Variants in DENND1A observed in about 807,000 individuals in gnomAD.
DENND1A encodes the protein DENN domain containing 1A.
Under a neutral mutation model 113.7 loss-of-function variants are expected in DENND1A, and 51 were observed. That is an observed-to-expected ratio of 0.45 (90% CI 0.36 to 0.57). The LOEUF (loss-of-function observed/expected upper bound fraction) is 0.57, where lower values mean the gene tolerates loss of function less well. Among genes scored for constraint, DENND1A ranks in the 20% least tolerant of loss-of-function variants. The pLI, the probability that DENND1A is intolerant of heterozygous loss-of-function variation, is 0.00. For missense variants in DENND1A, 1,258 were observed against 1,395.9 expected (o/e 0.90, Z 1.57); for synonymous variants, 565 against 570.8 (o/e 0.99, Z 0.14).
At chr9:123,870,766 T>C (rs1846464788) in intron 2 of DENND1A, among the ~76,000 whole-genome samples, 1 of 152,042 alleles carries the variant, frequency 6.6e-6, no homozygotes, top group East Asian at 1.9e-4. Flanking sequence ...TTCTACGACT[T>C]TGTGGTTGTC....
intron 13 of DENND1A, among the ~76,000 whole-genome samples, chr9:123,512,398 C>T (rs985909451): frequency 2.0e-5 from 3 of 152,236 alleles, no homozygotes; most frequent in African/African-American, 7.2e-5. Context: ...GGCTGGCACT[C>T]GGCTCACTTC....
In DENND1A at chr9:123,652,109, T is replaced by C. The variant is rs760353142; in HGVS notation, c.522A>G (p.Glu174=). The C allele has an allele frequency of 6.2e-7, 1 of 1,614,162 alleles. No individual in the cohort carries two copies. The highest frequency in any genetic ancestry group is 8.5e-7 in the Non-Finnish European group (1 of 1,180,010). Residue 174 remains glutamate (E), a synonymous_variant, in exon 9 of 24, where the codon GAA becomes GAG. Transcript: ENST00000394215. The stretch of plus-strand genomic sequence containing the variant: ...TGTTAACATCCACAGCCACAAAATA[T>C]TCTGTCAGATTTCTCTAGGAGAAAG... The part of the protein sequence containing the change: ...PSIPENRNLT[E]YFVAVDVNNM...
At chr9:123,391,590 G>A (rs1161041093) in intron 21 of DENND1A, among the ~76,000 whole-genome samples, 1 of 152,050 alleles carries the variant, frequency 6.6e-6, no homozygotes, top group Non-Finnish European at 1.5e-5. Context: ...ATAAGAGATA[G>A]GGTGTTTCCT....
In DENND1A at chr9:123,387,832, G is replaced by A. The variant is rs552218334; in HGVS notation, c.1658C>T (p.Ala553Val). The change falls in exon 22 of 24, where the codon GCG (alanine) becomes GTG (valine). Residue 553 changes from alanine to valine, a missense_variant. Transcript: ENST00000394215. ...EHLVKPLRHY[A>V]VFLSEDSSDD... ...AGAGGAGTCTTCGGAGAGGAAGACC[G>A]CATAGTGTCGCAAGGGCTTTACCAG... 7.0e-6 allele frequency: 9 copies of A among 1,289,922 alleles called. No homozygotes were observed. The highest frequency in any genetic ancestry group is 5.5e-5 in the East Asian group (1 of 18,042). The allele number at this position is 1,289,922 out of a possible 1,614,324, so 79.9% of individuals were successfully genotyped here.
intron 2 of DENND1A, among the ~76,000 whole-genome samples, chr9:123,805,744 T>G (rs568946390): frequency 1.3e-5 from 2 of 152,212 alleles, no homozygotes; most frequent in Admixed American, 6.5e-5. Flanking sequence ...ATATATTATT[T>G]TAATAATTTT....
chr9:123,620,232 A>AAAAAG (rs1554916733), intron 10 of DENND1A, among the ~76,000 whole-genome samples: 27 of 114,414 alleles, frequency 2.4e-4, no homozygotes, highest in Non-Finnish European at 3.3e-4. Context: ...AAAAAAAAAA[A>AAAAAG]AAAAAAGAAA....
intron 4 of DENND1A, among the ~76,000 whole-genome samples, chr9:123,768,503 T>A (rs1184800775): frequency 1.3e-5 from 2 of 152,200 alleles, no homozygotes; most frequent in Non-Finnish European, 2.9e-5. Context: ...AGAATCTTCC[T>A]GAAGATAAGC....
Position 123,381,437 on chromosome 9 carries a change from C to G in DENND1A, c.3208G>C (p.Glu1070Gln). 14 of 1,613,018 alleles carry G rather than the reference C, an allele frequency of 8.7e-6. No individual in the cohort carries two copies. Among genetic ancestry groups the G allele is most frequent in the Non-Finnish European group, 1.2e-5 (14 of 1,179,906 alleles). The change falls in exon 24 of 24, where the codon GAG becomes CAG. Residue 1070 changes from glutamate (E) to glutamine (Q), a missense_variant. Glu to Gln is a conservative substitution (Grantham distance 29, BLOSUM62 2). Coordinates refer to ENST00000394215, the MANE Select transcript of DENND1A (RefSeq NM_001352964.2). This position sits in a 1 kb window ranked among gnomAD's most constrained non-coding sequence, Gnocchi z 4.7. ...CCCCACCCTCAGGGCCCGGCTCACT[C>G]GAAGGTCTCCCACTGCTTCCTGAGC... ...EQLRKQWETF[E>Q]
intron 2 of DENND1A, among the ~76,000 whole-genome samples, chr9:123,844,226 A>T (rs1301201158): frequency 1.3e-5 from 2 of 152,284 alleles, no homozygotes; most frequent in East Asian, 3.9e-4. Context: ...CAGGGTAATT[A>T]GGTATGAAAA....
Position 123,383,922 on chromosome 9 carries a change from G to T in DENND1A, c.1761-9C>A, listed in dbSNP as rs1462800111. The T allele has an allele frequency of 2.5e-6, 4 of 1,602,778 alleles. No individual in the cohort carries two copies. The Admixed American group carries it at 6.7e-5, about 27-fold the overall frequency. ...TCCGATACGGCTGCGGCCTGTCGGG[G>T]ACAGAGCAGGCTGCACTCTCCCACC... On this transcript the variant is annotated splice_polypyrimidine_tract_variant and intron_variant, in intron 22 of 23. Coordinates refer to ENST00000394215, the MANE Select transcript of DENND1A (RefSeq NM_001352964.2).
chr9:123,704,381 T>A (rs1358664116), intron 5 of DENND1A, among the ~76,000 whole-genome samples: 3 of 152,212 alleles, frequency 2.0e-5, no homozygotes, highest in Admixed American at 6.5e-5. Context: ...TTAAATTCTA[T>A]CAGCAGAAAA....
chr9:123,547,982 C>G (rs2056811316), intron 13 of DENND1A, among the ~76,000 whole-genome samples: 1 of 152,186 alleles, frequency 6.6e-6, no homozygotes, highest in Non-Finnish European at 1.5e-5. Flanking sequence ...GTCCTGCTAG[C>G]TAGGCATTAT....
intron 10 of DENND1A, among the ~76,000 whole-genome samples, chr9:123,628,282 G>C (rs1348599018): frequency 6.6e-6 from 1 of 151,828 alleles, no homozygotes; most frequent in East Asian, 2.0e-4. Context: ...TCAACAAACA[G>C]GTGATGAAGA....
chr9:123,483,313 G>C (rs1239144594), intron 13 of DENND1A, among the ~76,000 whole-genome samples: 1 of 152,224 alleles, frequency 6.6e-6, no homozygotes, highest in African/African-American at 2.4e-5. Flanking sequence ...CCAAGAGCAG[G>C]GGCTGGCATG....
At chr9:123,465,289 G>A (rs1247016244) in intron 13 of DENND1A, among the ~76,000 whole-genome samples, 1 of 149,124 alleles carries the variant, frequency 6.7e-6, no homozygotes, top group Admixed American at 6.7e-5. Context: ...GCACACCAGA[G>A]GGCTGGTTTT....
rs561878768 is a variant in DENND1A at position 123,820,267 on chromosome 9, A to C, written c.89-27637T>G. On this transcript the variant is annotated intron_variant, in intron 2 of 23. Transcript: ENST00000394215. ...TGGAGTCTGTTTCCAGGATCCTTCA[A>C]GGGGGCTGACTTCGTGACTTGCTTT... is the stretch of plus-strand genomic sequence containing the variant. Among the ~76,000 whole-genome samples the C allele has an allele frequency of 1.8e-4, 27 of 152,318 alleles. No homozygotes were observed. In the South Asian group the frequency reaches 5.0e-3, roughly 28 times the overall value.
intron 13 of DENND1A, among the ~76,000 whole-genome samples, chr9:123,459,800 G>C (rs1052071190): frequency 6.6e-6 from 1 of 151,990 alleles, no homozygotes; most frequent in South Asian, 2.1e-4. Flanking sequence ...TCGAGCTTCC[G>C]TAAGTTCTAA....
At chr9:123,843,805 T>C (rs1380635662) in intron 2 of DENND1A, 2 of 153,138 alleles carry the variant, frequency 1.3e-5, no homozygotes, top group Non-Finnish European at 2.9e-5. Flanking sequence ...TACAACATGA[T>C]GTAATTGTAG....
chr9:123,556,646 G>C (rs986031975), intron 13 of DENND1A, among the ~76,000 whole-genome samples: 1 of 152,190 alleles, frequency 6.6e-6, no homozygotes, highest in Non-Finnish European at 1.5e-5. Flanking sequence ...TTCTGACTCC[G>C]ACTAGGCTGG....
Sources: allele counts gnomAD v4.1 joint callset (sites outside exome capture counted in the v4.1 genomes callset), GRCh38; gene constraint gnomAD v4.1.1; non-coding constraint Gnocchi (gnomAD v3.1); transcripts MANE v1.5; gene names NCBI Gene and HGNC (gene_info 2026-07-23, HGNC 2026-07-21).